RIN2: variants seen among roughly 807,000 people sequenced by gnomAD.
RIN2 encodes the protein Ras and Rab interactor 2, also known as RAB5 interacting protein 2.
A neutral mutation model predicts 78.0 loss-of-function variants in RIN2; 36 were observed. The ratio of observed to expected loss-of-function variants is 0.46; its 90% CI spans 0.35 to 0.61. RIN2 has a LOEUF of 0.61. RIN2 is among the 20% of genes least tolerant of loss of function. RIN2 has a pLI of 0.00. For synonymous variants in RIN2, 466 were observed against 466.8 expected, an observed-to-expected ratio of 1.00 and a Z score of 0.02; for missense variants, 1,087 against 1,159.7, an observed-to-expected ratio of 0.94 and a Z score of 0.91.
At chr20:19,944,902 G>A (rs1467516806) in intron 4 of RIN2, among the ~76,000 whole-genome samples, 1 of 152,130 alleles carries the variant, frequency 6.6e-6, no homozygotes, top group East Asian at 1.9e-4. Context: ...GGATTTGTCA[G>A]TCCTAGAATG....
At chr20:19,828,307 A>C (rs1218458505) in intron 2 of RIN2, among the ~76,000 whole-genome samples, 2 of 152,146 alleles carry the variant, frequency 1.3e-5, no homozygotes, top group Admixed American at 6.5e-5. Context: ...CCACTTCCCC[A>C]ATCAGTTCCT....
intron 2 of RIN2, among the ~76,000 whole-genome samples, chr20:19,888,489 T>TGCA (rs999145647): frequency 2.0e-5 from 3 of 152,222 alleles, no homozygotes; most frequent in African/African-American, 7.2e-5. Context: ...TCAGTGAACC[T>TGCA]GCAGCAGCAG....
At chr20:19,830,045 C>T (rs1460850335) in intron 2 of RIN2, among the ~76,000 whole-genome samples, 4 of 152,128 alleles carry the variant, frequency 2.6e-5, no homozygotes, top group Admixed American at 6.5e-5. Flanking sequence ...TTATCCTGAA[C>T]GACACTATCA....
chr20:19,834,725 T>C (rs537416037), intron 2 of RIN2, among the ~76,000 whole-genome samples: 1 of 152,350 alleles, frequency 6.6e-6, no homozygotes, highest in Non-Finnish European at 1.5e-5. Context: ...TGTGGTAACA[T>C]GTAGACCTGA....
chr20:19,770,347 A>T (rs1052604788), intron 1 of RIN2, among the ~76,000 whole-genome samples: 1 of 152,230 alleles, frequency 6.6e-6, no homozygotes, highest in Non-Finnish European at 1.5e-5. Flanking sequence ...ATGTTGGGTG[A>T]GTGCTGGAGA....
chr20:19,829,224 C>A (rs2036181909), intron 2 of RIN2, among the ~76,000 whole-genome samples: 1 of 152,072 alleles, frequency 6.6e-6, no homozygotes, highest in South Asian at 2.1e-4. Context: ...CTACTCATGA[C>A]AGACATCCCA....
At chr20:19,878,712 G>A (rs953238780) in intron 2 of RIN2, among the ~76,000 whole-genome samples, 1 of 152,054 alleles carries the variant, frequency 6.6e-6, no homozygotes, top group African/African-American at 2.4e-5. Context: ...CGAAAACCCA[G>A]ACACAGGCAA....
chr20:19,800,930 G>A (rs777038857), intron 2 of RIN2, among the ~76,000 whole-genome samples: 28 of 152,206 alleles, frequency 1.8e-4, no homozygotes, highest in Non-Finnish European at 3.7e-4. Flanking sequence ...TCAACCCAGA[G>A]CTGCCTGATT....
chr20:19,859,688 C>G (rs955807731), intron 2 of RIN2, among the ~76,000 whole-genome samples: 3 of 152,228 alleles, frequency 2.0e-5, no homozygotes, highest in African/African-American at 7.2e-5. Context: ...TTCCTAAGAG[C>G]CAGATCCATT....
intron 2 of RIN2, among the ~76,000 whole-genome samples, chr20:19,847,272 G>A (rs1478293763): frequency 6.6e-6 from 1 of 152,104 alleles, no homozygotes; most frequent in Non-Finnish European, 1.5e-5. Flanking sequence ...AGTCCAAAGG[G>A]TTTTGATGCT....
In RIN2 at chr20:19,975,202, G is replaced by A. The variant is rs772572463; in HGVS notation, c.1177G>A (p.Ala393Thr). 25 of 1,600,678 alleles carry A rather than the reference G, an allele frequency of 1.6e-5. 3 individuals are homozygous for A. In the South Asian group the frequency reaches 2.6e-4, roughly 16 times the overall value. ...AGGCCCGGAGCTGGAGCTGGGCACAGCTGGCAGCCCAGGTGGGGCCCCGCC... is the reference window on the plus strand; with the variant it reads ...AGGCCCGGAGCTGGAGCTGGGCACAACTGGCAGCCCAGGTGGGGCCCCGCC... ...GAGPELELGT[A>T]GSPGGAPPEA... Residue 393 changes from alanine (A) to threonine (T), a missense_variant, in exon 9 of 13, where the codon GCT becomes ACT. Transcript: ENST00000255006. This position sits in a 1 kb window ranked among gnomAD's most constrained non-coding sequence, Gnocchi z 4.9.
At chr20:19,825,593 G>T (rs1488247559) in intron 2 of RIN2, among the ~76,000 whole-genome samples, 1 of 152,152 alleles carries the variant, frequency 6.6e-6, no homozygotes, top group Non-Finnish European at 1.5e-5. Flanking sequence ...CACCATAGGT[G>T]CTCACTTAAG....
Position 19,875,203 on chromosome 20 carries a change from G to C in RIN2, c.-36-14363G>C, listed in dbSNP as rs143055891. 3.2e-3 allele frequency among the ~76,000 whole-genome samples: 482 copies of C among 151,926 alleles called. 5 individuals are homozygous for C. Among genetic ancestry groups the C allele is most frequent in the African/African-American group, 0.011 (461 of 41,406 alleles). ...AAACGGAGGCTTACTCTGTTGCTCA[G>C]GCTGGAGTGCAGTGGTATGATCTTG... On this transcript the variant is annotated intron_variant, in intron 2 of 12. Transcript: ENST00000255006.
At chr20:19,848,737 T>C (rs2036864609) in intron 2 of RIN2, among the ~76,000 whole-genome samples, 1 of 152,058 alleles carries the variant, frequency 6.6e-6, no homozygotes, top group Non-Finnish European at 1.5e-5. Context: ...AATAGGTTTA[T>C]CGTGAGTTTA....
At chr20:19,865,206 C>T (rs980819630) in intron 2 of RIN2, among the ~76,000 whole-genome samples, 13 of 152,152 alleles carry the variant, frequency 8.5e-5, no homozygotes, top group African/African-American at 2.7e-4. Context: ...AGATGCTCAC[C>T]GTCACCATTG....
intron 2 of RIN2, chr20:19,823,952 C>A: frequency 6.8e-7 from 1 of 1,480,892 alleles, no homozygotes. Flanking sequence ...ATGGTGGAGG[C>A]AGCTGGTGTC....
At chr20:19,965,690 C>T (rs1478631039) in intron 7 of RIN2, among the ~76,000 whole-genome samples, 1 of 152,254 alleles carries the variant, frequency 6.6e-6, no homozygotes, top group African/African-American at 2.4e-5. Context: ...TGGCTCACTA[C>T]AACCTCTGCC....
At chr20:19,809,831 C>T (rs1362454387) in intron 2 of RIN2, among the ~76,000 whole-genome samples, 1 of 152,136 alleles carries the variant, frequency 6.6e-6, no homozygotes, top group Non-Finnish European at 1.5e-5. Flanking sequence ...CCACATGTCA[C>T]AACCCACAAC....
intron 1 of RIN2, among the ~76,000 whole-genome samples, chr20:19,794,003 C>A (rs2034970567): frequency 6.6e-6 from 1 of 152,178 alleles, no homozygotes; most frequent in Non-Finnish European, 1.5e-5. Context: ...AAAAATCAAT[C>A]AAATTGGTCA....
Sources: gnomAD v4.1 joint callset for allele counts (sites outside exome capture counted in the v4.1 genomes callset) on GRCh38, gnomAD v4.1.1 for gene constraint, Gnocchi (gnomAD v3.1) non-coding constraint, MANE v1.5 for transcripts, NCBI Gene and HGNC (gene_info 2026-07-23, HGNC 2026-07-21) for gene names.